The following ZBED4 variants were observed in gnomAD, a reference collection of about 807,000 sequenced individuals.
ZBED4 encodes the protein zinc finger BED-type containing 4.
In ZBED4, 4 loss-of-function variants were observed where a neutral mutation model predicts 15.5. The observed-to-expected ratio is 0.26, with a 90% confidence interval of 0.13 to 0.59. The LOEUF (loss-of-function observed/expected upper bound fraction) is 0.59. Among genes scored for constraint, ZBED4 ranks in the 20% least tolerant of loss-of-function variants. ZBED4 has a pLI of 0.90. For synonymous variants in ZBED4, 692 were observed against 608.5 expected, an observed-to-expected ratio of 1.14 and a Z score of -2.02; for missense variants, 1,323 against 1,461.8, an observed-to-expected ratio of 0.91 and a Z score of 1.55.
At chr22:49,875,116 T>G (rs930193143) in intron 1 of ZBED4, among the ~76,000 whole-genome samples, 1 of 152,230 alleles carries the variant, frequency 6.6e-6, no homozygotes, top group African/African-American at 2.4e-5. Flanking sequence ...TCATAGGGTA[T>G]CAAGTTGTTT....
chr22:49,887,134 AT>A lies in ZBED4; in HGVS notation c.3473del (p.Ile1158ThrfsTer3). 6.2e-7 allele frequency: 1 copy of A among 1,613,428 alleles called. No individual in the cohort carries two copies. Among genetic ancestry groups the A allele is most frequent in the Non-Finnish European group, 8.5e-7 (1 of 1,179,760 alleles). On this transcript the variant is annotated frameshift_variant, in exon 2 of 2. Coordinates refer to ENST00000216268, the MANE Select transcript of ZBED4 (RefSeq NM_014838.3). LOFTEE classifies it high-confidence loss of function. The part of the protein sequence containing the change: ...RLMMEHFEKL[I>X]FLKVNLPLIY... ...CATGATGGAACATTTTGAAAAACTT[AT>A]CTTTTTGAAAGTGAATCTTCCCTTA...
chr22:49,883,542 A>T lies in ZBED4; in HGVS notation c.-121A>T. ...TTTATGATTAGCCATATTTCTAGAA[A>T]CATCCTGAAAGATGGAATTATGACG... On this transcript the variant is annotated 5_prime_UTR_variant, in exon 2 of 2. Coordinates refer to ENST00000216268, the MANE Select transcript of ZBED4 (RefSeq NM_014838.3). 1 of 1,334,566 alleles carries T rather than the reference A, an allele frequency of 7.5e-7. No individual in the cohort carries two copies. The highest frequency in any genetic ancestry group is 1.0e-6 in the Non-Finnish European group (1 of 1,003,184). The allele number at this position is 1,334,566 out of a possible 1,614,324, so 82.7% of individuals were successfully genotyped here. A position where few individuals can be genotyped will look rare whatever the true frequency, so the allele number is the denominator to read the frequency against.
In ZBED4 at chr22:49,883,986, C is replaced by T; in HGVS notation, c.324C>T (p.Ser108=). The T allele has an allele frequency of 6.2e-7, 1 of 1,613,186 alleles. No homozygotes were observed. The highest frequency in any genetic ancestry group is 1.3e-5 in the African/African-American group (1 of 74,926). Residue 108 remains serine (S), a synonymous_variant, in exon 2 of 2, where the codon TCC becomes TCT. Transcript: ENST00000216268. The part of the protein sequence containing the change: ...AMEAVTQSLL[S]SRNMSSRKKS... Reference sequence around the variant, plus strand: ...AGGCCGTGACCCAGAGCCTCCTTTCCAGCCGGAACATGAGCTCCAGGAAGA... The same window carrying T: ...AGGCCGTGACCCAGAGCCTCCTTTCTAGCCGGAACATGAGCTCCAGGAAGA...
In ZBED4 at chr22:49,887,338, C is replaced by T; in HGVS notation, c.*160C>T. On this transcript the variant is annotated 3_prime_UTR_variant, in exon 2 of 2. Coordinates refer to ENST00000216268, the MANE Select transcript of ZBED4 (RefSeq NM_014838.3). Reference sequence around the variant, plus strand: ...CCACAGTGTCTCCACGTGCCTTACCCCTTCTCCTTCAGGCCAAGTTTCGCG... The same window carrying T: ...CCACAGTGTCTCCACGTGCCTTACCTCTTCTCCTTCAGGCCAAGTTTCGCG... 1 of 673,162 alleles carries T rather than the reference C, an allele frequency of 1.5e-6. No individual in the cohort carries two copies. The highest frequency in any genetic ancestry group is 2.8e-5 in the East Asian group (1 of 35,670). 41.7% of individuals were successfully genotyped at this position (673,162 alleles called of 1,614,324 possible).
intron 1 of ZBED4, among the ~76,000 whole-genome samples, chr22:49,860,158 G>A (rs2060290627): frequency 6.6e-6 from 1 of 152,110 alleles, no homozygotes; most frequent in South Asian, 2.1e-4. Flanking sequence ...AATCAGCCGG[G>A]CATGATGGTA....
In ZBED4 at chr22:49,884,485, C is replaced by T. The variant is rs2147547988; in HGVS notation, c.823C>T (p.Leu275Phe). The T allele has an allele frequency of 2.5e-6, 4 of 1,614,220 alleles. No individual in the cohort carries two copies. Among genetic ancestry groups the T allele is most frequent in the Non-Finnish European group, 2.5e-6 (3 of 1,180,052 alleles). Residue 275 changes from leucine (L) to phenylalanine (F), a missense_variant, in exon 2 of 2, where the codon CTT (leucine) becomes TTT (phenylalanine). Around this residue, in one of 6 missense-constraint regions of ZBED4, gnomAD observed 380 missense variants for 413.7 expected, o/e 0.92. Transcript: ENST00000216268. The part of the protein sequence containing the change: ...EPAENLAEKS[L>F]PLPKSTSGSR... ...TGCAGAGAACTTAGCGGAGAAGAGC[C>T]TTCCACTTCCAAAGAGCACCTCTGG...
intron 1 of ZBED4, among the ~76,000 whole-genome samples, chr22:49,854,343 C>G (rs1027607088): frequency 6.6e-6 from 1 of 151,088 alleles, no homozygotes; most frequent in Non-Finnish European, 1.5e-5. Context: ...CGCGCTGTCC[C>G]GGCCACGTCG....
intron 1 of ZBED4, 71 bp downstream of exon 1, chr22:49,854,060 G>T (rs1366496761): frequency 1.4e-5 from 2 of 143,970 alleles, no homozygotes; most frequent in Non-Finnish European, 3.1e-5. Context: ...GCCGGGGCCG[G>T]GCCGGGCCGC....
At chr22:49,859,349 A>G (rs747198709) in intron 1 of ZBED4, among the ~76,000 whole-genome samples, 1 of 151,914 alleles carries the variant, frequency 6.6e-6, no homozygotes, top group Non-Finnish European at 1.5e-5. Flanking sequence ...TATTTATTCC[A>G]TGTCATAATC....
At chr22:49,854,895 G>A (rs1407987130) in intron 1 of ZBED4, among the ~76,000 whole-genome samples, 1 of 152,228 alleles carries the variant, frequency 6.6e-6, no homozygotes, top group African/African-American at 2.4e-5. Flanking sequence ...GTTTGGTAAA[G>A]CAAGGGCATC....
chr22:49,886,983 G>T lies in ZBED4; in HGVS notation c.3321G>T (p.Lys1107Asn). ...SCDPLTYWNL[K>N]KASWPGLSAL... ...ACCCGCTCACCTACTGGAACCTGAA[G>T]AAGGCGTCCTGGCCGGGGCTGTCCG... The change falls in exon 2 of 2, where the codon AAG becomes AAT. Residue 1107 changes from lysine to asparagine, a missense_variant. By Grantham distance (94) the Lys-to-Asn change is moderately conservative. Around this residue, in one of 6 missense-constraint regions of ZBED4, gnomAD observed 312 missense variants for 410.7 expected, o/e 0.76. Transcript: ENST00000216268. The surrounding 1 kb of genome is among the most constrained non-coding windows in gnomAD (Gnocchi z 7.7). 1 of 1,614,152 alleles carries T rather than the reference G, an allele frequency of 6.2e-7. No individual in the cohort carries two copies. The highest frequency in any genetic ancestry group is 8.5e-7 in the Non-Finnish European group (1 of 1,180,048).
chr22:49,880,221 C>T (rs1453269214), intron 1 of ZBED4, among the ~76,000 whole-genome samples: 1 of 152,122 alleles, frequency 6.6e-6, no homozygotes, highest in Non-Finnish European at 1.5e-5. Flanking sequence ...ACCCTTCTGA[C>T]CCTGCTTGCT....
At chr22:49,882,396 G>C (rs1039092123) in intron 1 of ZBED4, among the ~76,000 whole-genome samples, 3 of 152,208 alleles carry the variant, frequency 2.0e-5, no homozygotes, top group African/African-American at 7.2e-5. Context: ...CAGCCTAAGT[G>C]ACAGTAAAAC....
rs571332875 is a variant in ZBED4 at position 49,882,570 on chromosome 22, A to T, written c.-329-764A>T. 7.3e-4 allele frequency among the ~76,000 whole-genome samples: 111 copies of T among 152,286 alleles called. No individual in the cohort carries two copies. In the South Asian group the frequency reaches 0.023, roughly 31 times the overall value. On this transcript the variant is annotated intron_variant, in intron 1 of 1. Transcript: ENST00000216268. Reference sequence around the variant, plus strand: ...CCCCACATGACTCCATCGTCCTCCGAGCTTCGGCTCAGTTACACCCTTACA... The same window carrying T: ...CCCCACATGACTCCATCGTCCTCCGTGCTTCGGCTCAGTTACACCCTTACA...
intron 1 of ZBED4, among the ~76,000 whole-genome samples, chr22:49,854,235 G>C (rs182004739): frequency 0.03 from 4,439 of 148,580 alleles, 199 homozygotes; most frequent in African/African-American, 0.099. Context: ...GCCGAGTGCC[G>C]GGGGTCGGCG....
intron 1 of ZBED4, among the ~76,000 whole-genome samples, chr22:49,877,812 T>C (rs4824109): frequency 0.64 from 97,852 of 152,068 alleles, 35,675 homozygotes; most frequent in East Asian, 0.85. Flanking sequence ...CTGCCCCTCG[T>C]GGCCCCTCCT....
Position 49,885,247 on chromosome 22 carries a change from G to C in ZBED4, c.1585G>C (p.Ala529Pro). ...GGCAAACTCTCCGTATGCCACTTTG[G>C]CCTCTGCAGAAAGTTCCTCTTCCAA... ...SLANSPYATL[A>P]SAESSSSKLT... The change falls in exon 2 of 2, where the codon GCC (alanine) becomes CCC (proline). Residue 529 changes from alanine to proline, a missense_variant. Physicochemically the swap from Ala to Pro is conservative, Grantham distance 27. This residue lies in a region of ZBED4 where 429 missense variants were observed against 397.9 expected (regional missense o/e 1.08). Coordinates refer to ENST00000216268, the MANE Select transcript of ZBED4 (RefSeq NM_014838.3). 6.2e-7 allele frequency: 1 copy of C among 1,606,022 alleles called. No homozygotes were observed.
chr22:49,883,522 G>A lies in ZBED4; in HGVS notation c.-141G>A. ...GATTCTTTTTTTCAGTACTATTTATGATTAGCCATATTTCTAGAAACATCC... is the reference window on the plus strand; with the variant it reads ...GATTCTTTTTTTCAGTACTATTTATAATTAGCCATATTTCTAGAAACATCC... On this transcript the variant is annotated 5_prime_UTR_variant, in exon 2 of 2. An upstream start codon of the reference 5' UTR is lost. Coordinates refer to ENST00000216268, the MANE Select transcript of ZBED4 (RefSeq NM_014838.3). 8.4e-7 allele frequency: 1 copy of A among 1,188,806 alleles called. No homozygotes were observed. Among genetic ancestry groups the A allele is most frequent in the Non-Finnish European group, 1.1e-6 (1 of 877,608 alleles). 73.6% of individuals were successfully genotyped at this position (1,188,806 alleles called of 1,614,324 possible).
chr22:49,865,693 G>T (rs910916332), intron 1 of ZBED4, among the ~76,000 whole-genome samples: 6 of 151,920 alleles, frequency 3.9e-5, no homozygotes, highest in Admixed American at 3.9e-4. Context: ...CTCACATTGG[G>T]TCCTCATGTT....
Sources: gnomAD v4.1 joint callset for allele counts (sites outside exome capture counted in the v4.1 genomes callset) on GRCh38, gnomAD v4.1.1 for gene constraint, gnomAD v4.1.1 regional missense constraint, Gnocchi (gnomAD v3.1) non-coding constraint, MANE v1.5 for transcripts, NCBI Gene and HGNC (gene_info 2026-07-23, HGNC 2026-07-21) for gene names.